Variants in MGAT4C observed in about 807,000 individuals in gnomAD.
MGAT4C encodes the protein MGAT4 family member C.
In MGAT4C, 19 loss-of-function variants were observed where a neutral mutation model predicts 40.1. The observed-to-expected ratio is 0.47, with a 90% CI of 0.33 to 0.70. The LOEUF (loss-of-function observed/expected upper bound fraction) is 0.70, where lower values mean the gene tolerates loss of function less well. Among genes scored for constraint, MGAT4C ranks in the 30% least tolerant of loss-of-function variants. The probability of loss-of-function intolerance (pLI) is 0.02; values close to 1 mark genes in which losing one functional copy is unlikely to be tolerated. For synonymous variants in MGAT4C, 181 were observed against 187.1 expected (o/e 0.97, Z 0.27); for missense variants, 491 against 563.2 (o/e 0.87, Z 1.30).
At position 85,977,348 on chromosome 12, in the gene MGAT4C, T is replaced by C. The variant is rs1446813235; in HGVS notation, c.*1941A>G. 6.6e-6 allele frequency: 1 copy of C among 151,410 alleles called. No individual in the cohort carries two copies. The highest frequency in any genetic ancestry group is 1.5e-5 in the Non-Finnish European group (1 of 67,522). 9.4% of individuals were successfully genotyped at this position (151,410 alleles called of 1,614,324 possible). On this transcript the variant is annotated 3_prime_UTR_variant, in exon 5 of 5. Coordinates refer to ENST00000611864, the MANE Select transcript of MGAT4C (RefSeq NM_001351288.2). The stretch of plus-strand genomic sequence containing the variant: ...TGTAACTTCTGAGATATACACACAA[T>C]ACTATCAACTAGCCGGTTAATAAAA...
chr12:86,676,449 A>G (rs1964402608), intron 2 of MGAT4C, among the ~76,000 whole-genome samples: 1 of 152,166 alleles, frequency 6.6e-6, no homozygotes, highest in African/African-American at 2.4e-5. Flanking sequence ...TTAGCAAAAC[A>G]AAAACATACA....
intron 1 of MGAT4C, among the ~76,000 whole-genome samples, chr12:86,158,213 T>G (rs1885189309): frequency 6.6e-6 from 1 of 152,118 alleles, no homozygotes; most frequent in Non-Finnish European, 1.5e-5. Context: ...AGGGAGACTC[T>G]CATACAAATA....
chr12:86,210,945 G>A (rs529011613), intron 1 of MGAT4C, among the ~76,000 whole-genome samples: 3 of 152,118 alleles, frequency 2.0e-5, no homozygotes, highest in Non-Finnish European at 4.4e-5. Context: ...TTTCTAATCT[G>A]ATTGGAGAGG....
At chr12:86,669,164 A>C (rs566345812) in intron 2 of MGAT4C, among the ~76,000 whole-genome samples, 69 of 151,824 alleles carry the variant, frequency 4.5e-4, no homozygotes, top group Non-Finnish European at 7.2e-4. Flanking sequence ...ATCTGGTTCA[A>C]CCACTTGAGT....
chr12:86,807,024 TAAA>T (rs1471201645), intron 1 of MGAT4C, among the ~76,000 whole-genome samples: 26 of 149,926 alleles, frequency 1.7e-4, no homozygotes, highest in Non-Finnish European at 2.1e-4. Context: ...TATATATAAA[TAAA>T]AAATAAATAA....
At chr12:86,361,023 G>T (rs372457102) in intron 3 of MGAT4C, among the ~76,000 whole-genome samples, 1 of 116,068 alleles carries the variant, frequency 8.6e-6, no homozygotes, top group African/African-American at 3.2e-5. Context: ...AGCCTGCATT[G>T]CAAGGACAAT....
intron 1 of MGAT4C, among the ~76,000 whole-genome samples, chr12:86,732,073 C>T (rs1269146053): frequency 2.6e-5 from 4 of 152,164 alleles, no homozygotes; most frequent in Non-Finnish European, 5.9e-5. Flanking sequence ...GACATTTTCT[C>T]TCTATACCTT....
At chr12:86,805,578 T>C (rs1314254270) in intron 1 of MGAT4C, among the ~76,000 whole-genome samples, 1 of 151,992 alleles carries the variant, frequency 6.6e-6, no homozygotes, top group African/African-American at 2.4e-5. Flanking sequence ...TAGAATTCCA[T>C]GGTGTATATG....
chr12:86,164,552 C>T (rs1044599866), intron 1 of MGAT4C, among the ~76,000 whole-genome samples: 1 of 152,060 alleles, frequency 6.6e-6, no homozygotes, highest in Non-Finnish European at 1.5e-5. Context: ...TCAAACTATT[C>T]TAACTGGTAA....
At chr12:86,837,963 T>C (rs1566025023) in intron 1 of MGAT4C, among the ~76,000 whole-genome samples, 1 of 152,198 alleles carries the variant, frequency 6.6e-6, no homozygotes. Flanking sequence ...TTTTTAGCAT[T>C]TTGCTTTGCT....
At chr12:86,120,522 G>T (rs1425086366) in intron 1 of MGAT4C, among the ~76,000 whole-genome samples, 1 of 152,152 alleles carries the variant, frequency 6.6e-6, no homozygotes, top group African/African-American at 2.4e-5. Flanking sequence ...ATACAGCCAG[G>T]TGCCCCTCTG....
chr12:86,406,451 A>C (rs1168867042), intron 3 of MGAT4C, among the ~76,000 whole-genome samples: 1 of 152,118 alleles, frequency 6.6e-6, no homozygotes, highest in Admixed American at 6.6e-5. Flanking sequence ...ACATTTCACC[A>C]AAGATTATAT....
intron 1 of MGAT4C, among the ~76,000 whole-genome samples, chr12:86,209,689 A>C (rs1021205511): frequency 2.0e-5 from 3 of 152,166 alleles, no homozygotes; most frequent in Admixed American, 1.3e-4. Flanking sequence ...GAAGATTCAA[A>C]GGCAGGCCTA....
intron 2 of MGAT4C, among the ~76,000 whole-genome samples, chr12:86,480,147 AG>A (rs984712290): frequency 5.9e-5 from 9 of 151,932 alleles, no homozygotes; most frequent in African/African-American, 1.9e-4. Context: ...TTTCTATAAA[AG>A]TTTTGGAAAA....
At chr12:86,296,333 G>A (rs914001324) in intron 4 of MGAT4C, among the ~76,000 whole-genome samples, 1 of 140,876 alleles carries the variant, frequency 7.1e-6, no homozygotes, top group African/African-American at 2.6e-5. Flanking sequence ...GAGCCCAGCT[G>A]GCTTCACCTA....
chr12:86,724,258 G>C (rs77401941), intron 2 of MGAT4C, among the ~76,000 whole-genome samples: 3,109 of 152,120 alleles, frequency 0.02, 100 homozygotes, highest in African/African-American at 0.071. Flanking sequence ...TTGACTTCAG[G>C]ATGCATACAC....
chr12:86,143,308 A>C (rs1376397977), intron 1 of MGAT4C, among the ~76,000 whole-genome samples: 1 of 152,222 alleles, frequency 6.6e-6, no homozygotes, highest in East Asian at 1.9e-4. Flanking sequence ...TATCATAAAA[A>C]GCACACACCT....
chr12:86,151,456 CA>C (rs1269203398), intron 1 of MGAT4C, among the ~76,000 whole-genome samples: 1 of 151,992 alleles, frequency 6.6e-6, no homozygotes, highest in African/African-American at 2.4e-5. Flanking sequence ...ACTAAAAATA[CA>C]AAAAAATTAG....
chr12:86,457,566 A>G (rs576216566), intron 2 of MGAT4C, among the ~76,000 whole-genome samples: 12 of 152,196 alleles, frequency 7.9e-5, no homozygotes, highest in South Asian at 2.1e-4. Flanking sequence ...AAAAGAATAT[A>G]TATGCTGGAG....
Sources: gnomAD v4.1 joint callset for allele counts (sites outside exome capture counted in the v4.1 genomes callset) on GRCh38, gnomAD v4.1.1 for gene constraint, MANE v1.5 for transcripts, NCBI Gene and HGNC (gene_info 2026-07-23, HGNC 2026-07-21) for gene names.